KCTD8: variants seen among roughly 807,000 people sequenced by gnomAD.
KCTD8 encodes the protein potassium channel tetramerization domain containing 8.
A neutral mutation model predicts 31.5 loss-of-function variants in KCTD8; 27 were observed. That is an observed-to-expected ratio of 0.86 (90% confidence interval 0.63 to 1.18). The LOEUF (loss-of-function observed/expected upper bound fraction) is 1.18, where lower values mean the gene tolerates loss of function less well. Among genes scored for constraint, KCTD8 ranks in the 50% most tolerant of loss-of-function variants. The probability of loss-of-function intolerance (pLI) is 0.00; values close to 1 mark genes in which losing one functional copy is unlikely to be tolerated. For missense variants in KCTD8, 658 were observed against 647.7 expected (o/e 1.02, Z -0.17); for synonymous variants, 290 against 280.0 (o/e 1.04, Z -0.36).
chr4:44,282,990 G>C (rs1406104405), intron 1 of KCTD8, among the ~76,000 whole-genome samples: 3 of 151,128 alleles, frequency 2.0e-5, no homozygotes, highest in African/African-American at 7.3e-5. Context: ...ATCCAGCTAA[G>C]ATAATTGAGG....
At chr4:44,295,371 T>C (rs1349389576) in intron 1 of KCTD8, among the ~76,000 whole-genome samples, 1 of 152,114 alleles carries the variant, frequency 6.6e-6, no homozygotes, top group Non-Finnish European at 1.5e-5. Context: ...AGAACTAAAA[T>C]GCTGGCAATG....
chr4:44,427,703 A>G (rs1479196541), intron 1 of KCTD8, among the ~76,000 whole-genome samples: 1 of 151,746 alleles, frequency 6.6e-6, no homozygotes, highest in Non-Finnish European at 1.5e-5. Flanking sequence ...CAAAAAATAG[A>G]CAAAATGAAA....
intron 1 of KCTD8, among the ~76,000 whole-genome samples, chr4:44,429,535 A>G (rs1296468706): frequency 6.6e-6 from 1 of 151,794 alleles, no homozygotes; most frequent in Non-Finnish European, 1.5e-5. Context: ...GAGATGTGAG[A>G]ATCAACAGAA....
At chr4:44,188,317 G>A (rs1374446839) in intron 1 of KCTD8, among the ~76,000 whole-genome samples, 1 of 152,104 alleles carries the variant, frequency 6.6e-6, no homozygotes, top group African/African-American at 2.4e-5. Flanking sequence ...TGCATAGCAG[G>A]GTTTAATTTC....
chr4:44,303,590 T>C (rs556830276), intron 1 of KCTD8, among the ~76,000 whole-genome samples: 1 of 152,088 alleles, frequency 6.6e-6, no homozygotes, highest in African/African-American at 2.4e-5. Context: ...CTGAGGCAGG[T>C]GGATTGCTTG....
At chr4:44,201,121 A>G (rs1714136344) in intron 1 of KCTD8, among the ~76,000 whole-genome samples, 1 of 152,122 alleles carries the variant, frequency 6.6e-6, no homozygotes, top group Non-Finnish European at 1.5e-5. Context: ...AGATCTCTAC[A>G]AGGAGAACTG....
intron 1 of KCTD8, among the ~76,000 whole-genome samples, chr4:44,444,633 C>T (rs1242096446): frequency 6.6e-6 from 1 of 152,142 alleles, no homozygotes; most frequent in Non-Finnish European, 1.5e-5. Context: ...AAAACTGATA[C>T]TGTGATAACT....
intron 1 of KCTD8, among the ~76,000 whole-genome samples, chr4:44,401,718 A>T (rs1017722168): frequency 6.6e-6 from 1 of 152,200 alleles, no homozygotes; most frequent in Non-Finnish European, 1.5e-5. Context: ...TAGAATGTTC[A>T]ACACAGGACA....
chr4:44,300,088 A>AT lies in KCTD8; in HGVS notation c.962-124839dup, dbSNP rs559470363. On this transcript the variant is annotated intron_variant, in intron 1 of 1. Transcript: ENST00000360029. ...TTTAAAAATAACCTGACTCTTGACT[A>AT]TTTTTCAAATGTAATGGAAATTCAG... is the stretch of plus-strand genomic sequence containing the variant. Among the ~76,000 whole-genome samples, 18 of 152,044 alleles carry AT rather than the reference A, an allele frequency of 1.2e-4. No individual in the cohort carries two copies. The South Asian group carries it at 3.3e-3, about 28-fold the overall frequency.
intron 1 of KCTD8, among the ~76,000 whole-genome samples, chr4:44,352,634 TA>T: frequency 6.7e-6 from 1 of 149,994 alleles, no homozygotes; most frequent in East Asian, 1.9e-4. Context: ...TCATAGAAAA[TA>T]TAAAACACAT....
rs750799162 is a variant in KCTD8 at position 44,447,922 on chromosome 4, G to GCGC, written c.599_601dup (p.Gly200dup). On this transcript the variant is annotated inframe_insertion, in exon 1 of 2. Coordinates refer to ENST00000360029, the MANE Select transcript of KCTD8 (RefSeq NM_198353.3). Reference sequence around the variant, plus strand: ...GAGGAAGCCCGAGCGCTTGTCCTGCGCGCCGCCGCCGCCGCCACCACCGTG... The same window carrying GCGC: ...GAGGAAGCCCGAGCGCTTGTCCTGCGCGCCGCCGCCGCCGCCGCCACCACCGTG... 3.3e-5 allele frequency: 47 copies of GCGC among 1,434,762 alleles called. No individual in the cohort carries two copies. Among genetic ancestry groups the GCGC allele is most frequent in the South Asian group, 3.1e-4 (20 of 65,030 alleles). 88.9% of individuals were successfully genotyped at this position (1,434,762 alleles called of 1,614,324 possible). A position where few individuals can be genotyped will look rare whatever the true frequency, so the allele number is the denominator to read the frequency against.
intron 1 of KCTD8, among the ~76,000 whole-genome samples, chr4:44,274,228 T>C (rs1440685017): frequency 6.6e-6 from 1 of 151,910 alleles, no homozygotes; most frequent in Middle Eastern, 3.2e-3. Flanking sequence ...GATTTAACTT[T>C]CTAACTTTAG....
intron 1 of KCTD8, among the ~76,000 whole-genome samples, chr4:44,314,205 G>C (rs1475924050): frequency 6.6e-6 from 1 of 152,070 alleles, no homozygotes; most frequent in Non-Finnish European, 1.5e-5. Context: ...AGGAAAAGAA[G>C]GGAAAGCTAA....
intron 1 of KCTD8, among the ~76,000 whole-genome samples, chr4:44,309,248 C>G (rs1717885948): frequency 6.6e-6 from 1 of 151,836 alleles, no homozygotes; most frequent in Admixed American, 6.6e-5. Flanking sequence ...CCATGTTGCC[C>G]AGGCAGTCTC....
At chr4:44,319,740 T>A (rs527643340) in intron 1 of KCTD8, among the ~76,000 whole-genome samples, 3 of 152,210 alleles carry the variant, frequency 2.0e-5, no homozygotes, top group Admixed American at 2.0e-4. Flanking sequence ...GGCCAAAAAA[T>A]AGAGTCTGGA....
At chr4:44,242,275 G>T (rs1484854360) in intron 1 of KCTD8, among the ~76,000 whole-genome samples, 2 of 152,192 alleles carry the variant, frequency 1.3e-5, no homozygotes, top group East Asian at 1.9e-4. Flanking sequence ...TCAAAGCAAA[G>T]AAGTTAAAAA....
intron 1 of KCTD8, among the ~76,000 whole-genome samples, chr4:44,215,152 G>A (rs1714611336): frequency 6.6e-6 from 1 of 152,070 alleles, no homozygotes; most frequent in South Asian, 2.1e-4. Flanking sequence ...TGAGTTTTCA[G>A]GGAGACTGAT....
chr4:44,311,695 T>C (rs1388820175), intron 1 of KCTD8, among the ~76,000 whole-genome samples: 1 of 151,938 alleles, frequency 6.6e-6, no homozygotes, highest in African/African-American at 2.4e-5. Flanking sequence ...ATGGTCTTTA[T>C]AGTGTGGAGC....
At chr4:44,401,041 TG>T (rs1720640601) in intron 1 of KCTD8, among the ~76,000 whole-genome samples, 1 of 120,782 alleles carries the variant, frequency 8.3e-6, no homozygotes. Flanking sequence ...TTTGTAGAGA[TG>T]GGGTCTCACT....
Sources: allele counts gnomAD v4.1 joint callset (sites outside exome capture counted in the v4.1 genomes callset), GRCh38; gene constraint gnomAD v4.1.1; transcripts MANE v1.5; gene names NCBI Gene and HGNC (gene_info 2026-07-23, HGNC 2026-07-21).